The following PLPPR4 variants were observed in gnomAD, a reference collection of about 807,000 sequenced individuals.
The protein encoded by PLPPR4 is phospholipid phosphatase-related protein type 4.
Under a neutral mutation model 56.6 loss-of-function variants are expected in PLPPR4, and 24 were observed. That is an observed-to-expected ratio of 0.42 (90% CI 0.31 to 0.60). The LOEUF is 0.60. Among genes scored for constraint, PLPPR4 ranks in the 20% least tolerant of loss-of-function variants. The pLI, the probability that PLPPR4 is intolerant of heterozygous loss-of-function variation, is 0.13. For missense variants in PLPPR4, 654 were observed against 885.8 expected, an observed-to-expected ratio of 0.74 and a Z score of 3.32; for synonymous variants, 326 against 328.1, an observed-to-expected ratio of 0.99 and a Z score of 0.07.
In PLPPR4 at chr1:99,264,533, C is replaced by A. The variant is rs751974755; in HGVS notation, c.-61C>A. On this transcript the variant is annotated 5_prime_UTR_variant, in exon 1 of 7. Transcript: ENST00000370185. ...GCTTGGGGCTGGAGGAGGCAGCTCG[C>A]CTCAGCTGCGCTGTGCACACCTCGC... 7.1e-6 allele frequency: 11 copies of A among 1,551,414 alleles called. No homozygotes were observed. The African/African-American group carries it at 1.5e-4, about 21-fold the overall frequency.
chr1:99,301,640 T>C, intron 5 of PLPPR4, 84 bp from the exon 6 acceptor site: 1 of 966,724 alleles, frequency 1.0e-6, no homozygotes, highest in Non-Finnish European at 1.5e-6. Flanking sequence ...GTCAATTGTA[T>C]CAGACTTTTA....
intron 6 of PLPPR4, among the ~76,000 whole-genome samples, chr1:99,304,404 T>G (rs1659965251): frequency 6.6e-6 from 1 of 152,144 alleles, no homozygotes; most frequent in South Asian, 2.1e-4. Context: ...AATGACAAAA[T>G]CACCTGTCAA....
At chr1:99,264,038 G>A (rs1025083173), upstream of PLPPR4, 13 of 174,872 alleles carry the variant, frequency 7.4e-5, no homozygotes, top group East Asian at 9.5e-4. Flanking sequence ...ATCTCATTTC[G>A]TGGAGGTAGG....
intron 6 of PLPPR4, 23 bp downstream of exon 6, chr1:99,301,920 A>T: frequency 6.5e-7 from 1 of 1,534,754 alleles, no homozygotes. Flanking sequence ...CTATTATCTT[A>T]TAAGCCAAAG....
At chr1:99,279,618 C>A (rs1659274286) in intron 1 of PLPPR4, among the ~76,000 whole-genome samples, 1 of 152,092 alleles carries the variant, frequency 6.6e-6, no homozygotes, top group South Asian at 2.1e-4. Context: ...TTTAAACTGG[C>A]AATCTCATTG....
At chr1:99,299,337 T>C (rs1659823744) in intron 4 of PLPPR4, 107 bp downstream of exon 4, 1 of 817,188 alleles carries the variant, frequency 1.2e-6, no homozygotes, top group Admixed American at 2.9e-5. Flanking sequence ...ATTTTGTTTT[T>C]ATTTTTCTTT....
At position 99,305,890 on chromosome 1, in the gene PLPPR4, G is replaced by A. The variant is rs1191391823; in HGVS notation, c.1028G>A (p.Arg343Lys). Residue 343 changes from arginine to lysine, a missense_variant, in exon 7 of 7, where the codon AGA becomes AAA. Physicochemically the swap from Arg to Lys is conservative, Grantham distance 26. Around this residue, in one of 2 missense-constraint regions of PLPPR4, gnomAD observed 468 missense variants for 554.3 expected, o/e 0.84. Coordinates refer to ENST00000370185, the MANE Select transcript of PLPPR4 (RefSeq NM_014839.5). ...GCTAGCTCTCTGACAAATCTCAAAA[G>A]AGCAAATGCTGATGTGGAAATCATT... ...RDASSLTNLK[R>K]ANADVEIITP... 6 of 1,614,044 alleles carry A rather than the reference G, an allele frequency of 3.7e-6. No individual in the cohort carries two copies. The highest frequency in any genetic ancestry group is 1.1e-5 in the South Asian group (1 of 91,072).
chr1:99,297,980 G>C (rs979090124), intron 3 of PLPPR4, among the ~76,000 whole-genome samples: 2 of 152,128 alleles, frequency 1.3e-5, no homozygotes, highest in African/African-American at 2.4e-5. Flanking sequence ...AAAGGAAAAA[G>C]TAAGTCTTTG....
intron 1 of PLPPR4, among the ~76,000 whole-genome samples, chr1:99,267,916 A>C (rs1658945662): frequency 6.6e-6 from 1 of 152,238 alleles, no homozygotes; most frequent in African/African-American, 2.4e-5. Context: ...AATGCTTTAC[A>C]TCCACCATGT....
At chr1:99,301,693 A>G (rs983974723) in intron 5 of PLPPR4, 31 bp from the exon 6 acceptor site, 9 of 1,524,028 alleles carry the variant, frequency 5.9e-6, no homozygotes, top group Middle Eastern at 1.7e-4. Context: ...GGCCTTTCTA[A>G]CATACTTAAC....
chr1:99,271,899 AGTGTGTGT>A (rs553822029), intron 1 of PLPPR4, among the ~76,000 whole-genome samples: 2,319 of 118,046 alleles, frequency 0.02, 47 homozygotes, highest in African/African-American at 0.056. Context: ...GTAGGAGTGA[AGTGTGTGT>A]GTGTGTGTGT....
chr1:99,295,624 A>G (rs1659721800), intron 2 of PLPPR4, among the ~76,000 whole-genome samples: 1 of 152,226 alleles, frequency 6.6e-6, no homozygotes, highest in Admixed American at 6.5e-5. Context: ...TTTTAGGCAC[A>G]ATTATCTCAA....
In PLPPR4 at chr1:99,296,626, TCTTTA is replaced by T. The variant is rs1214482936; in HGVS notation, c.265-106_265-102del. 4 of 896,136 alleles carry T rather than the reference TCTTTA, an allele frequency of 4.5e-6. No individual in the cohort carries two copies. In the African/African-American group the frequency reaches 6.8e-5, roughly 15 times the overall value. 55.5% of individuals were successfully genotyped at this position (896,136 alleles called of 1,614,324 possible). On this transcript the variant is annotated intron_variant, in intron 2 of 6. Coordinates refer to ENST00000370185, the MANE Select transcript of PLPPR4 (RefSeq NM_014839.5). ...TCTACAGCTTTTAAGAAAATTTACA[TCTTTA>T]CTTTATTGAATTGATATGTTAAAAA...
intron 2 of PLPPR4, among the ~76,000 whole-genome samples, chr1:99,294,018 T>G (rs903410536): frequency 2.6e-5 from 4 of 151,752 alleles, no homozygotes; most frequent in African/African-American, 9.7e-5. Context: ...GTTTTCTGTT[T>G]ACAAATGCAA....
At chr1:99,279,290 C>T (rs537331142) in intron 1 of PLPPR4, among the ~76,000 whole-genome samples, 5 of 151,950 alleles carry the variant, frequency 3.3e-5, no homozygotes, top group Non-Finnish European at 5.9e-5. Flanking sequence ...GAAAGTGATC[C>T]GAAGGAAGCA....
upstream of PLPPR4, chr1:99,264,479 C>T (rs768541542): frequency 2.6e-6 from 4 of 1,525,736 alleles, no homozygotes; most frequent in African/African-American, 1.4e-5. Context: ...GCGGTGGCCG[C>T]GGGGAATGTG....
chr1:99,277,201 G>A (rs1357710963), intron 1 of PLPPR4, among the ~76,000 whole-genome samples: 3 of 152,080 alleles, frequency 2.0e-5, no homozygotes, highest in African/African-American at 7.2e-5. Context: ...TTTGTTTTCA[G>A]GATCATACTG....
In PLPPR4 at chr1:99,307,076, T is replaced by G. The variant is rs1660050436; in HGVS notation, c.*66T>G. 3.3e-6 allele frequency: 5 copies of G among 1,511,314 alleles called. No individual in the cohort carries two copies. In the Admixed American group the frequency reaches 1.0e-4, roughly 32 times the overall value. 93.6% of individuals were successfully genotyped at this position (1,511,314 alleles called of 1,614,324 possible). Reference sequence around the variant, plus strand: ...ATATGTTGATTCTACCTGTGTTCTGTTCCAGCGAATTGGGAAGTCTCACCA... The same window carrying G: ...ATATGTTGATTCTACCTGTGTTCTGGTCCAGCGAATTGGGAAGTCTCACCA... On this transcript the variant is annotated 3_prime_UTR_variant, in exon 7 of 7. Coordinates refer to ENST00000370185, the MANE Select transcript of PLPPR4 (RefSeq NM_014839.5).
At chr1:99,297,389 A>G (rs1438592945) in intron 3 of PLPPR4, among the ~76,000 whole-genome samples, 4 of 152,122 alleles carry the variant, frequency 2.6e-5, no homozygotes, top group African/African-American at 7.2e-5. Context: ...TGAGACCTAT[A>G]GAAAATCTAT....
Sources: gnomAD v4.1 joint callset for allele counts (sites outside exome capture counted in the v4.1 genomes callset) on GRCh38, gnomAD v4.1.1 for gene constraint, gnomAD v4.1.1 regional missense constraint, MANE v1.5 for transcripts, NCBI Gene and HGNC (gene_info 2026-07-23, HGNC 2026-07-21) for gene names.